SLIT3: variants seen among roughly 807,000 people sequenced by gnomAD.
SLIT3 encodes slit guidance ligand 3.
In SLIT3, 68 loss-of-function variants were observed where a neutral mutation model predicts 184.0. The observed-to-expected ratio is 0.37, with a 90% CI of 0.30 to 0.45. SLIT3 has a LOEUF of 0.45. Among genes scored for constraint, SLIT3 ranks in the 20% least tolerant of loss-of-function variants. The pLI is 1.00. For missense variants in SLIT3, 1,707 were observed against 2,026.0 expected (o/e 0.84, Z 3.02); for synonymous variants, 831 against 828.6 (o/e 1.00, Z -0.05).
intron 4 of SLIT3, among the ~76,000 whole-genome samples, chr5:168,892,920 C>T (rs1161725021): frequency 6.6e-6 from 1 of 152,194 alleles, no homozygotes; most frequent in African/African-American, 2.4e-5. Flanking sequence ...TCATTATCAG[C>T]CCAATTATGC....
intron 4 of SLIT3, among the ~76,000 whole-genome samples, chr5:168,941,226 C>T (rs984082058): frequency 1.3e-5 from 2 of 152,142 alleles, no homozygotes; most frequent in African/African-American, 4.8e-5. Context: ...TACCCAGCGT[C>T]CTATTGAATT....
intron 4 of SLIT3, among the ~76,000 whole-genome samples, chr5:168,988,417 T>C (rs1199277852): frequency 6.6e-6 from 1 of 151,112 alleles, no homozygotes; most frequent in Non-Finnish European, 1.5e-5. Flanking sequence ...ATGGGGAGAG[T>C]AGAATGGTCT....
At chr5:169,168,397 A>G in intron 4 of SLIT3, among the ~76,000 whole-genome samples, 1 of 152,152 alleles carries the variant, frequency 6.6e-6, no homozygotes, top group East Asian at 1.9e-4. Context: ...CTGCTGCACA[A>G]TCTGGCTTTA....
intron 4 of SLIT3, among the ~76,000 whole-genome samples, chr5:169,115,579 G>A (rs530760148): frequency 6.6e-6 from 1 of 152,292 alleles, no homozygotes; most frequent in Admixed American, 6.5e-5. Context: ...CCAAGGCAAT[G>A]TCCAGCCCCT....
rs17664946 is a variant in SLIT3, at chr5:168,666,039, C to A, written c.*415G>T. The A allele has an allele frequency of 0.056, 8,639 of 154,180 alleles. 596 individuals are homozygous for A. Among genetic ancestry groups the A allele is most frequent in the Admixed American group, 0.2 (3,051 of 15,362 alleles). The allele number at this position is 154,180 out of a possible 1,614,324, so 9.6% of individuals were successfully genotyped here. On this transcript the variant is annotated 3_prime_UTR_variant, in exon 36 of 36. Transcript: ENST00000519560. ...TCTTGGTCTACTGCCGACATAATAC[C>A]GTTTCATAAACATGAAAACATCTTC...
At chr5:168,718,735 C>CACACAT (rs1561891900) in intron 23 of SLIT3, among the ~76,000 whole-genome samples, 3 of 150,254 alleles carry the variant, frequency 2.0e-5, no homozygotes, top group African/African-American at 7.4e-5. Flanking sequence ...CACACATTCT[C>CACACAT]TCTCTCTCTC....
At chr5:169,064,863 G>T (rs539850830) in intron 4 of SLIT3, among the ~76,000 whole-genome samples, 4 of 152,126 alleles carry the variant, frequency 2.6e-5, no homozygotes, top group Non-Finnish European at 5.9e-5. Flanking sequence ...TTTCCAGCCC[G>T]ACCTCCTCAT....
At chr5:168,770,404 C>G (rs1052713594) in intron 14 of SLIT3, among the ~76,000 whole-genome samples, 3 of 152,192 alleles carry the variant, frequency 2.0e-5, no homozygotes, top group Non-Finnish European at 2.9e-5. Flanking sequence ...CACATCCAGT[C>G]TGTGTCACCT....
chr5:169,202,604 G>A (rs539737444), intron 3 of SLIT3, among the ~76,000 whole-genome samples: 105 of 152,264 alleles, frequency 6.9e-4, no homozygotes, highest in Middle Eastern at 6.8e-3. Context: ...TCCCAGCAGG[G>A]AGGATAGAAA....
rs888307966 is a variant in SLIT3 at position 168,941,000 on chromosome 5, C to T, written c.414-57664G>A. On this transcript the variant is annotated intron_variant, in intron 4 of 35. Coordinates refer to ENST00000519560, the MANE Select transcript of SLIT3 (RefSeq NM_003062.4). Reference sequence around the variant, plus strand: ...ACAAGGCTCTCGGATAAAAGCAAACCAGGCCACAGGACTTGGACAATGAAA... The same window carrying T: ...ACAAGGCTCTCGGATAAAAGCAAACTAGGCCACAGGACTTGGACAATGAAA... Among the ~76,000 whole-genome samples, 8 of 152,140 alleles carry T rather than the reference C, an allele frequency of 5.3e-5. No homozygotes were observed. The East Asian group carries it at 1.5e-3, about 29-fold the overall frequency.
At chr5:169,077,639 A>AT in intron 4 of SLIT3, among the ~76,000 whole-genome samples, 1 of 152,328 alleles carries the variant, frequency 6.6e-6, no homozygotes, top group East Asian at 1.9e-4. Flanking sequence ...ACATTAGGCT[A>AT]TTAGTAGCTA....
At chr5:169,008,434 T>C (rs547306964) in intron 4 of SLIT3, among the ~76,000 whole-genome samples, 1 of 152,280 alleles carries the variant, frequency 6.6e-6, no homozygotes, top group Non-Finnish European at 1.5e-5. Flanking sequence ...GAAGAGGCCA[T>C]AGCAATAGCT....
At chr5:169,065,306 C>A (rs1340282050) in intron 4 of SLIT3, among the ~76,000 whole-genome samples, 1 of 152,204 alleles carries the variant, frequency 6.6e-6, no homozygotes, top group Non-Finnish European at 1.5e-5. Context: ...GTGTATCACA[C>A]AGCCTGCTAG....
At chr5:169,103,839 C>A (rs1002559282) in intron 4 of SLIT3, among the ~76,000 whole-genome samples, 1 of 152,208 alleles carries the variant, frequency 6.6e-6, no homozygotes, top group Non-Finnish European at 1.5e-5. Flanking sequence ...CGTCTCTCAC[C>A]AGTGGGAAGG....
intron 12 of SLIT3, among the ~76,000 whole-genome samples, chr5:168,778,197 G>C (rs13185422): frequency 1.3e-5 from 2 of 151,942 alleles, no homozygotes; most frequent in Non-Finnish European, 2.9e-5. Context: ...CTTTTCCCAC[G>C]CACTTTCCAG....
intron 5 of SLIT3, among the ~76,000 whole-genome samples, chr5:168,856,959 C>T (rs922062116): frequency 4.6e-5 from 7 of 151,880 alleles, no homozygotes; most frequent in East Asian, 3.9e-4. Context: ...TACGGACGTG[C>T]GACGGCTCCT....
intron 10 of SLIT3, among the ~76,000 whole-genome samples, chr5:168,794,070 C>T (rs1217908070): frequency 6.6e-6 from 1 of 152,194 alleles, no homozygotes; most frequent in Non-Finnish European, 1.5e-5. Context: ...ACCAATGCCA[C>T]TGTTTCGCAG....
At chr5:169,269,129 C>A (rs954150718) in intron 1 of SLIT3, among the ~76,000 whole-genome samples, 6 of 152,210 alleles carry the variant, frequency 3.9e-5, no homozygotes, top group African/African-American at 1.4e-4. Context: ...AGGTGCCCAG[C>A]TTGTCTCCTT....
chr5:169,047,314 C>G (rs1757659981), intron 4 of SLIT3, among the ~76,000 whole-genome samples: 1 of 152,128 alleles, frequency 6.6e-6, no homozygotes, highest in Non-Finnish European at 1.5e-5. Flanking sequence ...TCCCCTTGAC[C>G]TCTTCTCCCG....
Sources: gnomAD v4.1 joint callset for allele counts (sites outside exome capture counted in the v4.1 genomes callset) on GRCh38, gnomAD v4.1.1 for gene constraint, MANE v1.5 for transcripts, NCBI Gene and HGNC (gene_info 2026-07-23, HGNC 2026-07-21) for gene names.